Variants in LRP1B observed in about 807,000 individuals in gnomAD.
The protein encoded by LRP1B is LDL receptor related protein 1B.
In LRP1B, 217 loss-of-function variants were observed where a neutral mutation model predicts 556.6. That is an observed-to-expected ratio of 0.39 (90% CI 0.35 to 0.44). LRP1B has a LOEUF of 0.44. LRP1B is among the 20% of genes least tolerant of loss of function. The pLI is 1.00. For synonymous variants in LRP1B, 2,047 were observed against 1,865.8 expected (o/e 1.10, Z -2.50); for missense variants, 5,053 against 5,620.8 (o/e 0.90, Z 3.23).
At chr2:140,509,360 G>A (rs891864676) in intron 52 of LRP1B, among the ~76,000 whole-genome samples, 1 of 152,056 alleles carries the variant, frequency 6.6e-6, no homozygotes, top group East Asian at 1.9e-4. Context: ...AATTTCCTGA[G>A]GTGACTTAGA....
chr2:141,006,322 C>G (rs2105375257), intron 14 of LRP1B, among the ~76,000 whole-genome samples: 3 of 152,032 alleles, frequency 2.0e-5, no homozygotes, highest in Middle Eastern at 6.8e-3. Flanking sequence ...ATATTTGAAA[C>G]TATATATCAT....
Position 141,005,479 on chromosome 2 carries a change from T to C in LRP1B, c.2381-22A>G, listed in dbSNP as rs200215151. On this transcript the variant is annotated intron_variant, in intron 14 of 90. Transcript: ENST00000389484. ...TCACCTGCAAGAGGAAGAAAGCAAA[T>C]GTGTCAGAGAACTCTGATTCACGTT... 1.9e-6 allele frequency: 3 copies of C among 1,606,974 alleles called. No homozygotes were observed. In the African/African-American group the frequency reaches 4.0e-5, roughly 22 times the overall value.
intron 7 of LRP1B, among the ~76,000 whole-genome samples, chr2:141,069,677 G>A (rs887917096): frequency 1.3e-5 from 2 of 152,050 alleles, no homozygotes; most frequent in Non-Finnish European, 2.9e-5. Flanking sequence ...TGCCTAAAAG[G>A]TAACGACACA....
chr2:140,683,688 A>C (rs1433081120), intron 41 of LRP1B: 3 of 708,906 alleles, frequency 4.2e-6, no homozygotes, highest in Admixed American at 1.9e-5. Context: ...GGGTGCCTTC[A>C]CTCCGGGCTG....
At chr2:141,925,148 A>T (rs1481370787) in intron 1 of LRP1B, among the ~76,000 whole-genome samples, 1 of 152,192 alleles carries the variant, frequency 6.6e-6, no homozygotes, top group Non-Finnish European at 1.5e-5. Flanking sequence ...CTTTCTCAAT[A>T]GGAGATATTA....
chr2:140,858,579 T>C (rs1692690993), intron 27 of LRP1B, among the ~76,000 whole-genome samples: 1 of 151,290 alleles, frequency 6.6e-6, no homozygotes, highest in African/African-American at 2.4e-5. Flanking sequence ...GTTAGATCTT[T>C]CTTTTTCTTT....
At chr2:142,009,202 C>A (rs1309634812) in intron 1 of LRP1B, among the ~76,000 whole-genome samples, 1 of 152,112 alleles carries the variant, frequency 6.6e-6, no homozygotes, top group African/African-American at 2.4e-5. Flanking sequence ...CTTCCACTTG[C>A]AAATAAAGCC....
chr2:141,602,420 G>A (rs1320563672), intron 2 of LRP1B, among the ~76,000 whole-genome samples: 1 of 152,022 alleles, frequency 6.6e-6, no homozygotes, highest in African/African-American at 2.4e-5. Context: ...GTCCTATGTT[G>A]GCTCAACTCA....
intron 17 of LRP1B, among the ~76,000 whole-genome samples, chr2:140,986,982 A>T (rs892922976): frequency 6.6e-6 from 1 of 152,158 alleles, no homozygotes; most frequent in Non-Finnish European, 1.5e-5. Flanking sequence ...TATCTAGCAT[A>T]TATGTCCATG....
At chr2:141,662,237 A>T (rs1399060687) in intron 2 of LRP1B, among the ~76,000 whole-genome samples, 1 of 152,200 alleles carries the variant, frequency 6.6e-6, no homozygotes, top group Non-Finnish European at 1.5e-5. Flanking sequence ...ACACTGAAGT[A>T]CAAAGACCAA....
intron 7 of LRP1B, among the ~76,000 whole-genome samples, chr2:141,160,954 C>T (rs909029677): frequency 3.3e-5 from 5 of 151,840 alleles, no homozygotes; most frequent in African/African-American, 1.2e-4. Context: ...ATAAAAATTT[C>T]CTCGTTTTAA....
intron 41 of LRP1B, among the ~76,000 whole-genome samples, chr2:140,639,775 A>G (rs139769157): frequency 0.013 from 1,925 of 152,248 alleles, 36 homozygotes; most frequent in Middle Eastern, 0.065. Flanking sequence ...CCTAATCATT[A>G]TGTCAAGACC....
intron 20 of LRP1B, among the ~76,000 whole-genome samples, chr2:140,948,292 CT>C (rs1695601888): frequency 1.3e-5 from 2 of 152,136 alleles, no homozygotes; most frequent in Non-Finnish European, 2.9e-5. Flanking sequence ...AGGAAAAATA[CT>C]GTTTACATTT....
chr2:140,449,043 C>T (rs1189831726), intron 63 of LRP1B, among the ~76,000 whole-genome samples: 1 of 151,896 alleles, frequency 6.6e-6, no homozygotes, highest in East Asian at 1.9e-4. Context: ...GGAAAAACTC[C>T]TAATACTAAG....
intron 35 of LRP1B, among the ~76,000 whole-genome samples, chr2:140,727,314 T>C (rs1460844641): frequency 6.6e-6 from 1 of 152,136 alleles, no homozygotes; most frequent in East Asian, 1.9e-4. Flanking sequence ...AGGTTGCTTG[T>C]GACAGGAGGG....
intron 32 of LRP1B, among the ~76,000 whole-genome samples, chr2:140,784,376 C>CCACACACACACACACACA (rs143661527): frequency 1.9e-3 from 246 of 126,680 alleles, no homozygotes; most frequent in South Asian, 5.7e-3. Context: ...GATTCTGCCT[C>CCACACACACACACACACA]CACACACACA....
chr2:141,550,846 C>T (rs1238701827), intron 2 of LRP1B, among the ~76,000 whole-genome samples: 2 of 152,084 alleles, frequency 1.3e-5, no homozygotes, highest in South Asian at 2.1e-4. Context: ...ATCTACTTTT[C>T]CCACTTAAAG....
At chr2:140,474,546 TA>T (rs1392910133) in intron 60 of LRP1B, among the ~76,000 whole-genome samples, 2 of 152,038 alleles carry the variant, frequency 1.3e-5, no homozygotes, top group African/African-American at 4.8e-5. Context: ...ATCTAATTCT[TA>T]AAAAGCTACC....
intron 7 of LRP1B, among the ~76,000 whole-genome samples, chr2:141,145,922 C>CTTTTTTTTT (rs70991144): frequency 1.5e-5 from 1 of 67,202 alleles, no homozygotes; most frequent in African/African-American, 6.3e-5. Context: ...TTCTTTCTTT[C>CTTTTTTTTT]TTTTTTTTTT....
Sources: gnomAD v4.1 joint callset for allele counts (sites outside exome capture counted in the v4.1 genomes callset) on GRCh38, gnomAD v4.1.1 for gene constraint, MANE v1.5 for transcripts, NCBI Gene and HGNC (gene_info 2026-07-23, HGNC 2026-07-21) for gene names.